Variants in CADM2 observed in about 807,000 individuals in gnomAD.
CADM2 encodes the protein cell adhesion molecule 2.
In CADM2, 12 loss-of-function variants were observed where a neutral mutation model predicts 49.8. That is an observed-to-expected ratio of 0.24 (90% CI 0.15 to 0.39). CADM2 has a LOEUF of 0.39. CADM2 is among the 10% of genes least tolerant of loss of function. The pLI, the probability that CADM2 is intolerant of heterozygous loss-of-function variation, is 1.00. For missense variants in CADM2, 378 were observed against 492.3 expected (o/e 0.77, Z 2.20); for synonymous variants, 214 against 175.4 (o/e 1.22, Z -1.74).
At chr3:85,474,153 T>A (rs1219856714) in intron 1 of CADM2, among the ~76,000 whole-genome samples, 1 of 151,892 alleles carries the variant, frequency 6.6e-6, no homozygotes, top group Admixed American at 6.6e-5. Context: ...GGTTTGTGTG[T>A]GTGTGTGTTG....
chr3:85,190,275 T>C lies in CADM2; in HGVS notation c.61+230607T>C, dbSNP rs113450706. 2.1e-3 allele frequency among the ~76,000 whole-genome samples: 317 copies of C among 152,252 alleles called. 1 individual carries two copies. The highest frequency in any genetic ancestry group is 7.2e-3 in the African/African-American group (300 of 41,562). ...TCAATAGGATGTGCTTGTTCACTTC[T>C]AAACCTAGAACGTATTTTTCTTCTC... On this transcript the variant is annotated intron_variant, in intron 1 of 9. Coordinates refer to ENST00000383699, the MANE Select transcript of CADM2 (RefSeq NM_001167675.2).
intron 3 of CADM2, among the ~76,000 whole-genome samples, chr3:85,833,991 A>T (rs891354811): frequency 6.6e-6 from 1 of 151,662 alleles, no homozygotes; most frequent in Non-Finnish European, 1.5e-5. Flanking sequence ...CAATCCATGT[A>T]CATGGGATGT....
intron 5 of CADM2, among the ~76,000 whole-genome samples, chr3:85,896,433 A>G (rs963606893): frequency 3.3e-5 from 5 of 152,244 alleles, no homozygotes; most frequent in Non-Finnish European, 5.9e-5. Flanking sequence ...TAAGAAATGT[A>G]TAAGTTTTAG....
intron 1 of CADM2, among the ~76,000 whole-genome samples, chr3:85,025,561 C>T (rs1361331307): frequency 3.9e-5 from 6 of 152,094 alleles, no homozygotes; most frequent in African/African-American, 1.4e-4. Context: ...TAGTCATTGT[C>T]CACTTACATG....
chr3:85,127,572 A>T (rs533432250), intron 1 of CADM2, among the ~76,000 whole-genome samples: 3 of 152,230 alleles, frequency 2.0e-5, no homozygotes, highest in South Asian at 4.1e-4. Flanking sequence ...TATGAATTTA[A>T]TAATTTATTT....
rs1475049409 is a variant in CADM2, at chr3:85,750,559, A to C, written c.88+24011A>C. Among the ~76,000 whole-genome samples, 4 of 152,276 alleles carry C rather than the reference A, an allele frequency of 2.6e-5. No homozygotes were observed. In the East Asian group the frequency reaches 7.7e-4, roughly 29 times the overall value. On this transcript the variant is annotated intron_variant, in intron 2 of 9. Transcript: ENST00000383699. ...GAATATTCAATCATTGTGTTCTTTA[A>C]ATGTATTTATAATACATACAAAAAT... is the stretch of plus-strand genomic sequence containing the variant.
At chr3:85,886,638 A>C (rs1266011005) in intron 5 of CADM2, among the ~76,000 whole-genome samples, 1 of 152,182 alleles carries the variant, frequency 6.6e-6, no homozygotes, top group Non-Finnish European at 1.5e-5. Flanking sequence ...ACAATAGTAC[A>C]TATTAGATAC....
intron 1 of CADM2, among the ~76,000 whole-genome samples, chr3:85,541,909 A>T (rs1439539063): frequency 1.3e-5 from 2 of 151,164 alleles, no homozygotes; most frequent in Admixed American, 1.3e-4. Context: ...AACGACATGG[A>T]GTATACACTG....
intron 8 of CADM2, among the ~76,000 whole-genome samples, chr3:86,034,240 G>GGGCA (rs1734899435): frequency 1.3e-5 from 2 of 151,828 alleles, no homozygotes; most frequent in Admixed American, 1.3e-4. Flanking sequence ...GCTCTGATAT[G>GGGCA]GACTGAGAAT....
chr3:85,239,667 G>T (rs2042485671), intron 1 of CADM2, among the ~76,000 whole-genome samples: 1 of 151,164 alleles, frequency 6.6e-6, no homozygotes, highest in African/African-American at 2.4e-5. Flanking sequence ...ATTAAAATAG[G>T]TTTTTTATAA....
intron 2 of CADM2, among the ~76,000 whole-genome samples, chr3:85,778,392 G>T (rs963640417): frequency 3.3e-5 from 5 of 152,220 alleles, no homozygotes; most frequent in African/African-American, 4.8e-5. Context: ...ACCTTGAATT[G>T]TAATCCCCAT....
chr3:85,389,062 C>G (rs749372829), intron 1 of CADM2, among the ~76,000 whole-genome samples: 1 of 152,054 alleles, frequency 6.6e-6, no homozygotes, highest in East Asian at 1.9e-4. Context: ...ATATTTAAAA[C>G]AAAGTCTGTA....
At chr3:85,371,001 A>T (rs997692981) in intron 1 of CADM2, among the ~76,000 whole-genome samples, 27 of 147,534 alleles carry the variant, frequency 1.8e-4, no homozygotes, top group African/African-American at 3.5e-4. Flanking sequence ...GAATTTTTTT[A>T]AAAAAGTTTT....
intron 1 of CADM2, among the ~76,000 whole-genome samples, chr3:85,398,704 G>A (rs1164819393): frequency 6.6e-6 from 1 of 152,144 alleles, no homozygotes; most frequent in Non-Finnish European, 1.5e-5. Flanking sequence ...CATTGTAACT[G>A]GTGTGAGATG....
intron 8 of CADM2, chr3:86,014,331 A>T (rs1479337777): frequency 2.0e-5 from 27 of 1,384,134 alleles, no homozygotes; most frequent in Non-Finnish European, 2.5e-5. Flanking sequence ...CTTTGGGGAA[A>T]ATCTCCAGGG....
chr3:86,061,007 A>G (rs1578092037), intron 8 of CADM2, among the ~76,000 whole-genome samples: 1 of 151,282 alleles, frequency 6.6e-6, no homozygotes, highest in South Asian at 2.1e-4. Context: ...AATAATAATA[A>G]TAACAGCTTT....
intron 3 of CADM2, among the ~76,000 whole-genome samples, chr3:85,848,454 T>A (rs539173290): frequency 4.6e-4 from 70 of 152,250 alleles, no homozygotes; most frequent in African/African-American, 1.7e-3. Context: ...AACCATAAAA[T>A]AATCAAAATT....
chr3:85,879,928 C>T (rs982988590), intron 3 of CADM2, among the ~76,000 whole-genome samples: 1 of 152,142 alleles, frequency 6.6e-6, no homozygotes, highest in Non-Finnish European at 1.5e-5. Flanking sequence ...TCCATCACTA[C>T]AATCAAGAGA....
At chr3:85,238,586 A>G (rs996307264) in intron 1 of CADM2, among the ~76,000 whole-genome samples, 4 of 151,830 alleles carry the variant, frequency 2.6e-5, no homozygotes, top group Non-Finnish European at 4.4e-5. Flanking sequence ...AGCCAGATCA[A>G]CAGCTTAGAT....
Sources: gnomAD v4.1 joint callset for allele counts (sites outside exome capture counted in the v4.1 genomes callset) on GRCh38, gnomAD v4.1.1 for gene constraint, MANE v1.5 for transcripts, NCBI Gene and HGNC (gene_info 2026-07-23, HGNC 2026-07-21) for gene names.